TTC7A: variants seen among roughly 807,000 people sequenced by gnomAD.
TTC7A encodes the protein tetratricopeptide repeat domain 7A, also known as tetratricopeptide repeat protein 7A.
Under a neutral mutation model 103.7 loss-of-function variants are expected in TTC7A, and 110 were observed. The ratio of observed to expected loss-of-function variants is 1.06; its 90% CI spans 0.91 to 1.24. TTC7A has a LOEUF of 1.24. Ranked by LOEUF, TTC7A falls within the 50% of genes most tolerant of loss-of-function variation. The pLI is 0.00. For synonymous variants in TTC7A, 521 were observed against 467.9 expected (o/e 1.11, Z -1.47); for missense variants, 1,340 against 1,116.3 (o/e 1.20, Z -2.86).
At chr2:46,989,616 AT>A (rs59228878) in intron 5 of TTC7A, among the ~76,000 whole-genome samples, 15,391 of 134,328 alleles carry the variant, frequency 0.11, 991 homozygotes, top group African/African-American at 0.2. Flanking sequence ...GGACCTCTCT[AT>A]TTTTTTTTTT....
intron 2 of TTC7A, among the ~76,000 whole-genome samples, chr2:46,955,405 T>C (rs1181103014): frequency 6.6e-6 from 1 of 151,332 alleles, no homozygotes; most frequent in African/African-American, 2.4e-5. Flanking sequence ...CTTTGGAGAG[T>C]TAATTAATAG....
chr2:47,073,465 G>C (rs1298901878), intron 19 of TTC7A, among the ~76,000 whole-genome samples: 1 of 152,226 alleles, frequency 6.6e-6, no homozygotes, highest in Non-Finnish European at 1.5e-5. Context: ...GGACCGGCAG[G>C]AACAGAGCTC....
Position 46,995,156 on chromosome 2 carries a change from A to G in TTC7A, c.1022A>G (p.Asn341Ser), listed in dbSNP as rs1434234454. ...EGDNLYCPKD[N>S]IEEALLLLLI... Reference sequence around the variant, plus strand: ...TTCAGCCTCTACTGCCCCAAGGACAACATCGAGGAAGCCCTCCTGCTCCTC... The same window carrying G: ...TTCAGCCTCTACTGCCCCAAGGACAGCATCGAGGAAGCCCTCCTGCTCCTC... The change falls in exon 8 of 20, where the codon AAC becomes AGC. Residue 341 changes from asparagine (N) to serine (S), a missense_variant. Physicochemically the swap from Asn to Ser is conservative, Grantham distance 46. Coordinates refer to ENST00000319190, the MANE Select transcript of TTC7A (RefSeq NM_020458.4). The G allele has an allele frequency of 6.2e-7, 1 of 1,614,060 alleles. No homozygotes were observed. The highest frequency in any genetic ancestry group is 2.2e-5 in the East Asian group (1 of 44,888).
chr2:46,995,301 T>C, intron 8 of TTC7A, 102 bp downstream of exon 8: 1 of 1,132,814 alleles, frequency 8.8e-7, no homozygotes, highest in Non-Finnish European at 1.3e-6. Flanking sequence ...CCAAACTCTG[T>C]CTCCCAGGGA....
rs1288345150 is a variant in TTC7A at position 46,950,392 on chromosome 2, G to C, written c.214G>C (p.Ala72Pro). The change falls in exon 2 of 20, where the codon GCC becomes CCC. Residue 72 changes from alanine (A) to proline (P), a missense_variant. Coordinates refer to ENST00000319190, the MANE Select transcript of TTC7A (RefSeq NM_020458.4). ...CTTTGGGAAATTGCTGCTGGCTGAG[G>C]CCCTCCTGGAGCAGTGTTTGAAGGA... is the stretch of plus-strand genomic sequence containing the variant. ...DDFGKLLLAEALLEQCLKENH... is the reference protein window; with the variant it reads ...DDFGKLLLAEPLLEQCLKENH... 1 of 1,614,030 alleles carries C rather than the reference G, an allele frequency of 6.2e-7. No individual in the cohort carries two copies. The highest frequency in any genetic ancestry group is 8.5e-7 in the Non-Finnish European group (1 of 1,180,038).
intron 5 of TTC7A, among the ~76,000 whole-genome samples, chr2:46,982,899 C>T (rs1013497264): frequency 6.6e-6 from 1 of 151,824 alleles, no homozygotes; most frequent in Non-Finnish European, 1.5e-5. Flanking sequence ...CCCAGGAGAT[C>T]GAGGCTGCAG....
chr2:47,041,313 C>T (rs1573000152), intron 15 of TTC7A, among the ~76,000 whole-genome samples: 3 of 152,306 alleles, frequency 2.0e-5, no homozygotes, highest in Middle Eastern at 3.4e-3. Context: ...CTGTGCCAGA[C>T]GCTGGGGGAG....
At chr2:47,022,960 A>AG (rs1442437970) in intron 12 of TTC7A, among the ~76,000 whole-genome samples, 2 of 152,322 alleles carry the variant, frequency 1.3e-5, no homozygotes, top group East Asian at 3.9e-4. Flanking sequence ...TAGTTAGTTA[A>AG]GTGTGCAGCC....
At chr2:46,984,833 G>A (rs1674845844) in intron 5 of TTC7A, among the ~76,000 whole-genome samples, 1 of 152,180 alleles carries the variant, frequency 6.6e-6, no homozygotes, top group Non-Finnish European at 1.5e-5. Context: ...TGAGCGGCCT[G>A]GAAACTCATG....
At position 46,930,197 on chromosome 2, in the gene TTC7A, TAGAG is replaced by T. The variant is rs949976661; in HGVS notation, c.82+12923_82+12926del. Among the ~76,000 whole-genome samples, 24 of 152,200 alleles carry T rather than the reference TAGAG, an allele frequency of 1.6e-4. No homozygotes were observed. In the Middle Eastern group the frequency reaches 0.014, roughly 86 times the overall value. ...TAATGCAGTGGAAAGCAACATGTAA[TAGAG>T]AGGATCATTATAAACAAAAACTGGT... On this transcript the variant is annotated intron_variant, in intron 2 of 20. Coordinates refer to the TTC7A transcript ENST00000409245.
At chr2:47,070,170 G>A (rs1262121953) in intron 19 of TTC7A, among the ~76,000 whole-genome samples, 1 of 152,238 alleles carries the variant, frequency 6.6e-6, no homozygotes, top group Non-Finnish European at 1.5e-5. Flanking sequence ...GGTGTGCAGT[G>A]GAATTCTGAA....
At chr2:47,014,129 A>T (rs554599449) in intron 11 of TTC7A, among the ~76,000 whole-genome samples, 1 of 152,336 alleles carries the variant, frequency 6.6e-6, no homozygotes, top group East Asian at 1.9e-4. Context: ...GCCGATGGAC[A>T]CATTCACTTG....
intron 19 of TTC7A, among the ~76,000 whole-genome samples, chr2:47,068,883 A>G (rs1324991391): frequency 3.3e-5 from 1 of 30,680 alleles, no homozygotes; most frequent in East Asian, 4.4e-4. Flanking sequence ...AAAAAAAAAA[A>G]AAAAGAAAGA....
At chr2:46,983,445 C>T (rs975637373) in intron 5 of TTC7A, among the ~76,000 whole-genome samples, 1 of 152,234 alleles carries the variant, frequency 6.6e-6, no homozygotes. Context: ...CACTCCCCCA[C>T]GGCTGCTGCT....
chr2:46,997,649 A>T (rs1428254803), intron 8 of TTC7A, among the ~76,000 whole-genome samples: 2 of 152,120 alleles, frequency 1.3e-5, no homozygotes, highest in African/African-American at 4.8e-5. Context: ...GGGCTCCTGG[A>T]CTTCCATCCT....
At chr2:46,923,938 G>A (rs1669246250) in intron 2 of TTC7A, among the ~76,000 whole-genome samples, 1 of 152,066 alleles carries the variant, frequency 6.6e-6, no homozygotes, top group African/African-American at 2.4e-5. Context: ...GTTTCACCAT[G>A]TTGGCCAGGC....
At chr2:47,058,220 T>A (rs1249045524) in intron 18 of TTC7A, among the ~76,000 whole-genome samples, 3 of 152,184 alleles carry the variant, frequency 2.0e-5, no homozygotes, top group Non-Finnish European at 4.4e-5. Flanking sequence ...GAGCCCGCAT[T>A]TCTCTCCCAT....
chr2:47,043,545 G>T (rs1350216963), intron 15 of TTC7A, among the ~76,000 whole-genome samples: 1 of 152,124 alleles, frequency 6.6e-6, no homozygotes, highest in African/African-American at 2.4e-5. Context: ...GGAAGGGAGG[G>T]TAGAGCCAGA....
At chr2:46,993,700 C>T (rs1208081729) in intron 6 of TTC7A, among the ~76,000 whole-genome samples, 172 bp downstream of exon 6, 1 of 152,142 alleles carries the variant, frequency 6.6e-6, no homozygotes, top group Non-Finnish European at 1.5e-5. Flanking sequence ...CAGGGAGGTG[C>T]GGCCTCTTTC....
Sources: allele counts gnomAD v4.1 joint callset (sites outside exome capture counted in the v4.1 genomes callset), GRCh38; gene constraint gnomAD v4.1.1; transcripts MANE v1.5; gene names NCBI Gene and HGNC (gene_info 2026-07-23, HGNC 2026-07-21).